The following PTK2 variants were observed in gnomAD, a reference collection of about 807,000 sequenced individuals.
PTK2 encodes focal adhesion kinase 1.
A neutral mutation model predicts 150.1 loss-of-function variants in PTK2; 45 were observed. That is an observed-to-expected ratio of 0.30 (90% CI 0.24 to 0.38). PTK2 has a LOEUF of 0.38. Ranked by LOEUF, PTK2 falls within the 10% of genes least tolerant of loss-of-function variation. The pLI is 1.00. For missense variants in PTK2, 919 were observed against 1,307.3 expected (o/e 0.70, Z 4.58); for synonymous variants, 432 against 449.2 (o/e 0.96, Z 0.48).
At chr8:140,935,035 GTCAA>G (rs1301746698) in intron 1 of PTK2, among the ~76,000 whole-genome samples, 2 of 152,186 alleles carry the variant, frequency 1.3e-5, no homozygotes, top group African/African-American at 2.4e-5. Context: ...TAAGTAAGTT[GTCAA>G]TCAGAGGTTA....
At chr8:140,848,638 G>C (rs570012703) in intron 5 of PTK2, among the ~76,000 whole-genome samples, 15 of 151,874 alleles carry the variant, frequency 9.9e-5, no homozygotes, top group African/African-American at 3.6e-4. Context: ...TTTAGGTCTA[G>C]AACTATTCGT....
intron 10 of PTK2, among the ~76,000 whole-genome samples, chr8:140,813,027 T>C (rs1187121549): frequency 1.3e-5 from 2 of 152,154 alleles, no homozygotes; most frequent in Admixed American, 6.5e-5. Flanking sequence ...TTGGATCAAA[T>C]GGACCTGACA....
intron 14 of PTK2, among the ~76,000 whole-genome samples, chr8:140,778,301 G>A (rs558243292): frequency 7.2e-4 from 110 of 152,208 alleles, no homozygotes; most frequent in African/African-American, 1.2e-3. Flanking sequence ...TGTCTCTATC[G>A]AAAATACAAA....
intron 2 of PTK2, chr8:140,921,073 T>C: frequency 7.6e-7 from 1 of 1,318,314 alleles, no homozygotes; most frequent in Non-Finnish European, 9.6e-7. Flanking sequence ...CCTTCTGTAA[T>C]ATTTTCCAGC....
At chr8:140,749,564 T>C (rs2100061496) in intron 17 of PTK2, among the ~76,000 whole-genome samples, 1 of 152,238 alleles carries the variant, frequency 6.6e-6, no homozygotes, top group African/African-American at 2.4e-5. Flanking sequence ...TCTGCTTTTG[T>C]AAATAAAGTT....
intron 2 of PTK2, among the ~76,000 whole-genome samples, chr8:140,896,314 C>T (rs2100156192): frequency 6.6e-6 from 1 of 152,132 alleles, no homozygotes. Flanking sequence ...ACCTGCAGAA[C>T]AGTGATATCA....
At chr8:140,871,720 A>T (rs534022030) in intron 4 of PTK2, among the ~76,000 whole-genome samples, 2 of 152,308 alleles carry the variant, frequency 1.3e-5, no homozygotes, top group African/African-American at 4.8e-5. Context: ...CAAACAAATT[A>T]TTTTAAAAAT....
chr8:140,781,122 G>A (rs1326156512), intron 14 of PTK2, among the ~76,000 whole-genome samples: 2 of 152,000 alleles, frequency 1.3e-5, no homozygotes, highest in African/African-American at 2.4e-5. Context: ...AGCTACAAAC[G>A]GGGTGGGGGA....
chr8:140,825,916 C>T (rs978203263), intron 8 of PTK2, among the ~76,000 whole-genome samples: 10 of 152,168 alleles, frequency 6.6e-5, no homozygotes, highest in South Asian at 4.1e-4. Context: ...CTAACATCAA[C>T]GAGACGGAAA....
At chr8:140,801,264 G>T (rs1566657735) in intron 11 of PTK2, among the ~76,000 whole-genome samples, 1 of 152,170 alleles carries the variant, frequency 6.6e-6, no homozygotes, top group African/African-American at 2.4e-5. Flanking sequence ...TGTGCTGATG[G>T]AAACAGATGA....
intron 1 of PTK2, among the ~76,000 whole-genome samples, chr8:140,957,010 G>A (rs897948089): frequency 7.2e-5 from 11 of 152,070 alleles, no homozygotes; most frequent in Non-Finnish European, 1.6e-4. Flanking sequence ...GCAGTGAGCC[G>A]AGATGATGCC....
chr8:140,989,084 A>G (rs1481814467), intron 1 of PTK2, among the ~76,000 whole-genome samples: 1 of 151,952 alleles, frequency 6.6e-6, no homozygotes, highest in East Asian at 1.9e-4. Context: ...TTTATCCAAA[A>G]AACACTTTTG....
chr8:140,756,445 C>T (rs928896034), intron 16 of PTK2, among the ~76,000 whole-genome samples: 17 of 152,220 alleles, frequency 1.1e-4, no homozygotes, highest in African/African-American at 4.1e-4. Context: ...CACCTGTAAT[C>T]CCAGCACTTC....
chr8:140,765,885 T>G (rs1349700277), intron 14 of PTK2, among the ~76,000 whole-genome samples: 1 of 152,156 alleles, frequency 6.6e-6, no homozygotes, highest in Non-Finnish European at 1.5e-5. Context: ...GCCACACAAA[T>G]GGCCATTTGC....
chr8:140,932,568 T>C (rs921818555), intron 1 of PTK2, among the ~76,000 whole-genome samples: 2 of 152,316 alleles, frequency 1.3e-5, no homozygotes, highest in East Asian at 1.9e-4. Context: ...TCTAGTTTAA[T>C]TGAAATAATT....
chr8:140,803,592 T>G (rs1472818823), exon 11 of PTK2: 1 of 1,614,028 alleles, frequency 6.2e-7, no homozygotes, highest in East Asian at 2.2e-5. Flanking sequence ...TCTGTCCTTG[T>G]CTTCACTGTT....
chr8:140,989,216 A>AAAAG (rs2100194625), intron 1 of PTK2, among the ~76,000 whole-genome samples: 1 of 147,296 alleles, frequency 6.8e-6, no homozygotes, highest in Admixed American at 6.8e-5. Context: ...TGTCTCTAAA[A>AAAAG]AAAAAAAAAA....
intron 16 of PTK2, among the ~76,000 whole-genome samples, chr8:140,753,646 T>C (rs1180104700): frequency 6.6e-6 from 1 of 152,220 alleles, no homozygotes; most frequent in African/African-American, 2.4e-5. Flanking sequence ...AGAAAATGTG[T>C]TGCTCTGAAA....
At chr8:140,700,844 C>CT (rs1326550941) in intron 26 of PTK2, 47 bp downstream of exon 29, 4 of 1,606,540 alleles carry the variant, frequency 2.5e-6, no homozygotes, top group Admixed American at 3.4e-5. Flanking sequence ...ATAGTAGACT[C>CT]TAACAGGGCT....
Sources: gnomAD v4.1 joint callset for allele counts (sites outside exome capture counted in the v4.1 genomes callset) on GRCh38, gnomAD v4.1.1 for gene constraint, MANE v1.5 for transcripts, NCBI Gene and HGNC (gene_info 2026-07-23, HGNC 2026-07-21) for gene names.